Variants in KLHL3 observed in about 807,000 individuals in gnomAD.
KLHL3 encodes kelch like family member 3.
KLHL3 carries 19 observed loss-of-function variants against 70.5 expected under a neutral mutation model. The ratio of observed to expected loss-of-function variants is 0.27; its 90% CI spans 0.19 to 0.40. The LOEUF (loss-of-function observed/expected upper bound fraction) is 0.40. Among genes scored for constraint, KLHL3 ranks in the 10% least tolerant of loss-of-function variants. The pLI is 1.00. For missense variants in KLHL3, 512 were observed against 771.1 expected, an observed-to-expected ratio of 0.66 and a Z score of 3.98; for synonymous variants, 258 against 290.3, an observed-to-expected ratio of 0.89 and a Z score of 1.13.
At chr5:137,649,904 T>A (rs184370881) in intron 8 of KLHL3, among the ~76,000 whole-genome samples, 126 of 152,296 alleles carry the variant, frequency 8.3e-4, no homozygotes, top group African/African-American at 2.9e-3. Context: ...ACACTGCCAC[T>A]TAAGCGCTGT....
intron 12 of KLHL3, among the ~76,000 whole-genome samples, chr5:137,632,310 C>T (rs760682474): frequency 6.6e-5 from 10 of 152,076 alleles, no homozygotes; most frequent in Non-Finnish European, 8.8e-5. Context: ...CAAAAATAGA[C>T]ACAGAGAACA....
chr5:137,628,298 T>G lies in KLHL3; in HGVS notation c.1590A>C (p.Ala530=). The G allele has an allele frequency of 6.2e-7, 1 of 1,614,174 alleles. No homozygotes were observed. Among genetic ancestry groups the G allele is most frequent in the Non-Finnish European group, 8.5e-7 (1 of 1,180,010 alleles). ...VADMNMCRRN[A]GVCAVNGLLY... The stretch of plus-strand genomic sequence containing the variant: ...GGAGATGGAGAGAGCAGTCATTACC[T>G]GCGTTGCGCCGGCACATGTTCATGT... The change falls in exon 13 of 15, where the codon GCA becomes GCC. Residue 530 remains alanine, a splice_region_variant and synonymous_variant. Transcript: ENST00000309755.
At chr5:137,668,689 C>T (rs1441901358) in intron 6 of KLHL3, among the ~76,000 whole-genome samples, 1 of 152,216 alleles carries the variant, frequency 6.6e-6, no homozygotes, top group Non-Finnish European at 1.5e-5. Context: ...CATACTCTCA[C>T]CTCATTGCCA....
At chr5:137,655,770 G>A (rs1252402968) in intron 8 of KLHL3, among the ~76,000 whole-genome samples, 2 of 152,022 alleles carry the variant, frequency 1.3e-5, no homozygotes, top group Non-Finnish European at 2.9e-5. Flanking sequence ...GACTGCTTGA[G>A]CTCAGGAGTT....
chr5:137,628,419 C>A lies in KLHL3; in HGVS notation c.1469G>T (p.Gly490Val), dbSNP rs1230142960. The A allele has an allele frequency of 1.2e-6, 2 of 1,614,192 alleles. No homozygotes were observed. The highest frequency in any genetic ancestry group is 1.7e-6 in the Non-Finnish European group (2 of 1,180,046). Reference sequence around the variant, plus strand: ...ATGCCCACCTGTGGCGTACAGCTGTCCGCTAAGCACTCCAACCCCTGAAAG... The same window carrying A: ...ATGCCCACCTGTGGCGTACAGCTGTACGCTAAGCACTCCAACCCCTGAAAG... ...RSGAGVGVLS[G>V]QLYATGGHDG... Residue 490 changes from glycine to valine, a missense_variant, in exon 13 of 15, where the codon GGA (glycine) becomes GTA (valine). By Grantham distance (109) the Gly-to-Val change is moderately radical (BLOSUM62 -3). Transcript: ENST00000309755.
chr5:137,683,954 C>T lies in KLHL3; in HGVS notation c.527-6300G>A, dbSNP rs546059201. 7.9e-5 allele frequency among the ~76,000 whole-genome samples: 12 copies of T among 152,274 alleles called. No individual in the cohort carries two copies. The East Asian group carries it at 1.7e-3, about 22-fold the overall frequency. ...GCAACGAAACCTATCTGTGTCTGCA[C>T]GACTGCCTCATTTGCCAACTTCAAA... On this transcript the variant is annotated intron_variant, in intron 5 of 14. Transcript: ENST00000309755.
At chr5:137,669,397 TAATAAAAGCATG>T (rs1751694325) in intron 6 of KLHL3, among the ~76,000 whole-genome samples, 1 of 151,400 alleles carries the variant, frequency 6.6e-6, no homozygotes, top group Non-Finnish European at 1.5e-5. Flanking sequence ...ATGAATAAAT[TAATAAAAGCATG>T]AATGAATGTA....
intron 2 of KLHL3, among the ~76,000 whole-genome samples, chr5:137,719,977 G>C (rs928976694): frequency 6.6e-6 from 1 of 152,104 alleles, no homozygotes; most frequent in Non-Finnish European, 1.5e-5. Flanking sequence ...ACAGTTTTCT[G>C]GCAAAGTCAT....
At chr5:137,671,582 G>T (rs772128359) in intron 6 of KLHL3, among the ~76,000 whole-genome samples, 2 of 152,168 alleles carry the variant, frequency 1.3e-5, no homozygotes, top group Non-Finnish European at 2.9e-5. Flanking sequence ...TTAATGAGCT[G>T]TGTCACCTCT....
At chr5:137,724,987 C>T (rs1462393677) in intron 1 of KLHL3, 3 of 951,650 alleles carry the variant, frequency 3.2e-6, no homozygotes, top group African/African-American at 1.8e-5. Context: ...TATGTCTCAA[C>T]CTAAGGTCAC....
At chr5:137,687,226 C>G (rs1752203549) in intron 5 of KLHL3, among the ~76,000 whole-genome samples, 1 of 43,510 alleles carries the variant, frequency 2.3e-5, no homozygotes, top group African/African-American at 1.0e-4. Flanking sequence ...CCCGGCCAGC[C>G]GCCCCGTCCG....
chr5:137,642,684 A>T (rs918481719), intron 8 of KLHL3, among the ~76,000 whole-genome samples: 6 of 152,234 alleles, frequency 3.9e-5, no homozygotes, highest in African/African-American at 1.4e-4. Context: ...AAAAGAAACT[A>T]AACTAGAACG....
chr5:137,710,795 T>G (rs557717633), intron 2 of KLHL3, among the ~76,000 whole-genome samples: 46 of 152,346 alleles, frequency 3.0e-4, no homozygotes, highest in African/African-American at 9.6e-4. Context: ...TTACACATAT[T>G]ACTTCATCCT....
intron 13 of KLHL3, 56 bp from the exon 14 acceptor site, chr5:137,625,952 G>A (rs1750450765): frequency 6.2e-7 from 1 of 1,607,290 alleles, no homozygotes. Context: ...TAAGAGATCA[G>A]AATTGATCAA....
intron 10 of KLHL3, among the ~76,000 whole-genome samples, chr5:137,637,809 T>C (rs1194033589): frequency 6.6e-6 from 1 of 152,224 alleles, no homozygotes; most frequent in Non-Finnish European, 1.5e-5. Flanking sequence ...CCCTTGCAGC[T>C]AGGCGTGACC....
chr5:137,671,361 C>T (rs1751754159), intron 6 of KLHL3, among the ~76,000 whole-genome samples: 1 of 152,120 alleles, frequency 6.6e-6, no homozygotes, highest in African/African-American at 2.4e-5. Flanking sequence ...AGGTACTTTC[C>T]TTGAACTATA....
At position 137,703,849 on chromosome 5, in the gene KLHL3, C is replaced by T. The variant is rs558451297; in HGVS notation, c.242-5441G>A. On this transcript the variant is annotated intron_variant, in intron 3 of 14. Coordinates refer to ENST00000309755, the MANE Select transcript of KLHL3 (RefSeq NM_017415.3). Reference sequence around the variant, plus strand: ...GAAGCACAAAGTCAGGAAAAAAATGCCTCTGTGTCATTACATAGTGACTAC... The same window carrying T: ...GAAGCACAAAGTCAGGAAAAAAATGTCTCTGTGTCATTACATAGTGACTAC... Among the ~76,000 whole-genome samples, 98 of 151,566 alleles carry T rather than the reference C, an allele frequency of 6.5e-4. 1 individual carries two copies. Among genetic ancestry groups the T allele is most frequent in the South Asian group, 5.9e-3 (28 of 4,758 alleles).
chr5:137,734,562 A>G (rs780620144), intron 1 of KLHL3, among the ~76,000 whole-genome samples: 4 of 152,220 alleles, frequency 2.6e-5, no homozygotes, highest in Non-Finnish European at 5.9e-5. Flanking sequence ...CAACTCATGA[A>G]AAGGAAAGTG....
At chr5:137,630,991 T>C (rs1750620722) in intron 12 of KLHL3, among the ~76,000 whole-genome samples, 1 of 146,464 alleles carries the variant, frequency 6.8e-6, no homozygotes, top group South Asian at 2.1e-4. Flanking sequence ...TAAAATAGCA[T>C]ACTTTTTAAA....
Sources: allele counts gnomAD v4.1 joint callset (sites outside exome capture counted in the v4.1 genomes callset), GRCh38; gene constraint gnomAD v4.1.1; transcripts MANE v1.5; gene names NCBI Gene and HGNC (gene_info 2026-07-23, HGNC 2026-07-21).